Variants in BICC1 observed in about 807,000 individuals in gnomAD.
BICC1 encodes protein bicaudal C homolog 1.
BICC1 carries 43 observed loss-of-function variants against 111.0 expected under a neutral mutation model. The observed-to-expected ratio is 0.39, with a 90% CI of 0.30 to 0.50. The LOEUF (loss-of-function observed/expected upper bound fraction) is 0.50. Ranked by LOEUF, BICC1 falls within the 20% of genes least tolerant of loss-of-function variation. BICC1 has a pLI of 0.88. For synonymous variants in BICC1, 467 were observed against 434.4 expected (o/e 1.07, Z -0.93); for missense variants, 1,091 against 1,203.2 (o/e 0.91, Z 1.38).
rs139620689 is a variant in BICC1, at chr10:58,515,551, A to G, written c.190+2218A>G. On this transcript the variant is annotated intron_variant, in intron 1 of 20. Transcript: ENST00000373886. Reference sequence around the variant, plus strand: ...GGTAATGTGTTATGTTACTATGGCTATGACATCACTAGGCGATAGGAATTT... The same window carrying G: ...GGTAATGTGTTATGTTACTATGGCTGTGACATCACTAGGCGATAGGAATTT... Among the ~76,000 whole-genome samples the G allele has an allele frequency of 1.5e-3, 223 of 152,338 alleles. 1 individual carries two copies. The highest frequency in any genetic ancestry group is 2.0e-3 in the Non-Finnish European group (137 of 68,034).
intron 1 of BICC1, among the ~76,000 whole-genome samples, chr10:58,616,240 G>T (rs1257066840): frequency 6.6e-6 from 1 of 152,224 alleles, no homozygotes; most frequent in Non-Finnish European, 1.5e-5. Flanking sequence ...ATAAAGAAGG[G>T]GAAGATGCCC....
chr10:58,547,542 G>T (rs1843173315), intron 1 of BICC1, among the ~76,000 whole-genome samples: 1 of 152,128 alleles, frequency 6.6e-6, no homozygotes, highest in Non-Finnish European at 1.5e-5. Flanking sequence ...TGGTATTGAA[G>T]GCACTGCGTG....
chr10:58,552,402 C>T (rs1199434870), intron 1 of BICC1, among the ~76,000 whole-genome samples: 1 of 151,970 alleles, frequency 6.6e-6, no homozygotes, highest in Non-Finnish European at 1.5e-5. Flanking sequence ...GTGGTGTGAT[C>T]TTGGCTCACT....
intron 17 of BICC1, among the ~76,000 whole-genome samples, chr10:58,807,753 C>T (rs143933883): frequency 6.0e-4 from 92 of 152,274 alleles, no homozygotes; most frequent in African/African-American, 2.1e-3. Context: ...AGCCAGGCTA[C>T]ACGCGATTCA....
In BICC1 at chr10:58,820,462, A is replaced by G. The variant is rs1844221949; in HGVS notation, c.2788A>G (p.Ile930Val). ...FGARRKMLLA[I>V]SELNKNRRKL... Reference sequence around the variant, plus strand: ...TGCCAGGAGGAAAATGCTGCTTGCAATTTCAGGTGAATATAAATATTCAAC... The same window carrying G: ...TGCCAGGAGGAAAATGCTGCTTGCAGTTTCAGGTGAATATAAATATTCAAC... The change falls in exon 20 of 21, where the codon ATT (isoleucine) becomes GTT (valine). Residue 930 changes from isoleucine (I) to valine (V), a missense_variant. Ile to Val is a conservative substitution (Grantham distance 29). Coordinates refer to ENST00000373886, the MANE Select transcript of BICC1 (RefSeq NM_001080512.3). 3 of 1,598,180 alleles carry G rather than the reference A, an allele frequency of 1.9e-6. No homozygotes were observed. The African/African-American group carries it at 4.0e-5, about 21-fold the overall frequency.
At chr10:58,783,655 A>C (rs2132778811) in intron 3 of BICC1, among the ~76,000 whole-genome samples, 1 of 151,718 alleles carries the variant, frequency 6.6e-6, no homozygotes, top group Non-Finnish European at 1.5e-5. Flanking sequence ...ACATTTACTG[A>C]CTCTTTACTG....
At chr10:58,776,443 C>T (rs896587841) in intron 3 of BICC1, among the ~76,000 whole-genome samples, 8 of 152,204 alleles carry the variant, frequency 5.3e-5, no homozygotes, top group Admixed American at 1.3e-4. Flanking sequence ...GCAAATTAGT[C>T]ACTTCTGGCT....
At chr10:58,774,678 A>G (rs1842703375) in intron 3 of BICC1, among the ~76,000 whole-genome samples, 1 of 152,162 alleles carries the variant, frequency 6.6e-6, no homozygotes, top group Admixed American at 6.5e-5. Context: ...GATATTTCCA[A>G]ATGACTTTCC....
intron 8 of BICC1, among the ~76,000 whole-genome samples, chr10:58,790,576 C>T (rs545496956): frequency 5.9e-5 from 9 of 152,208 alleles, no homozygotes; most frequent in African/African-American, 2.2e-4. Flanking sequence ...GCCTGTAATC[C>T]CAGCACTTTG....
chr10:58,823,915 T>C (rs1300977414), intron 20 of BICC1: 2 of 985,216 alleles, frequency 2.0e-6, no homozygotes. Context: ...GATACATGTA[T>C]TCAGCTTTTA....
intron 18 of BICC1, among the ~76,000 whole-genome samples, chr10:58,816,751 G>C (rs1430252636): frequency 3.4e-5 from 1 of 29,342 alleles, no homozygotes; most frequent in African/African-American, 8.8e-5. Flanking sequence ...AAGGCTGTGT[G>C]TGTGTGTGTG....
intron 18 of BICC1, among the ~76,000 whole-genome samples, chr10:58,814,865 G>A (rs1387903505): frequency 6.6e-6 from 1 of 152,080 alleles, no homozygotes; most frequent in African/African-American, 2.4e-5. Flanking sequence ...AGACTGTCCA[G>A]CGGGTGGCTA....
rs1313043258 is a variant in BICC1, at chr10:58,528,060, G to A, written c.190+14727G>A. Among the ~76,000 whole-genome samples the A allele has an allele frequency of 2.6e-5, 4 of 151,950 alleles. No individual in the cohort carries two copies. In the South Asian group the frequency reaches 8.3e-4, roughly 31 times the overall value. On this transcript the variant is annotated intron_variant, in intron 1 of 20. Transcript: ENST00000373886. ...GTTCCTCTGTGGCATCTGGCCCAGAGCTGTGAAAATATCTGGACTGTGTTT... is the reference window on the plus strand; with the variant it reads ...GTTCCTCTGTGGCATCTGGCCCAGAACTGTGAAAATATCTGGACTGTGTTT...
intron 1 of BICC1, among the ~76,000 whole-genome samples, chr10:58,598,663 TAATTA>T (rs1844916928): frequency 1.3e-5 from 2 of 152,286 alleles, no homozygotes; most frequent in East Asian, 3.9e-4. Context: ...AAATGGGATC[TAATTA>T]AATTAAAGAG....
chr10:58,602,923 T>G (rs547008759), intron 1 of BICC1, among the ~76,000 whole-genome samples: 1 of 152,338 alleles, frequency 6.6e-6, no homozygotes, highest in South Asian at 2.1e-4. Flanking sequence ...AGACTTGGTC[T>G]TCTTGAGTAA....
chr10:58,698,436 A>C (rs1032652013), intron 2 of BICC1, among the ~76,000 whole-genome samples: 1 of 152,028 alleles, frequency 6.6e-6, no homozygotes, highest in African/African-American at 2.4e-5. Flanking sequence ...CAGTGAGCCA[A>C]CTTTTTCTCC....
At chr10:58,526,897 T>A (rs1298328330) in intron 1 of BICC1, among the ~76,000 whole-genome samples, 1 of 152,220 alleles carries the variant, frequency 6.6e-6, no homozygotes, top group Non-Finnish European at 1.5e-5. Context: ...TACATGTGCA[T>A]GTATCTTTAT....
rs761286794 is a variant in BICC1, at chr10:58,814,029, T to C, written c.2533+43T>C. On this transcript the variant is annotated intron_variant, in intron 18 of 20. Coordinates refer to ENST00000373886, the MANE Select transcript of BICC1 (RefSeq NM_001080512.3). ...TGCACACTTTTAGGTATCCCCAGAT[T>C]AGAATGTGTTTATTTGGGTTGGAGT... is the stretch of plus-strand genomic sequence containing the variant. The C allele has an allele frequency of 7.5e-6, 12 of 1,606,892 alleles. No individual in the cohort carries two copies. In the South Asian group the frequency reaches 1.3e-4, roughly 18 times the overall value.
chr10:58,789,666 C>T lies in BICC1; in HGVS notation c.796-16C>T. On this transcript the variant is annotated splice_polypyrimidine_tract_variant and intron_variant, in intron 7 of 20. Transcript: ENST00000373886. ...TTAATGTATAGGATTATTTCTTTCC[C>T]ACCCTTTTCTCTTAGGAAGGAACTG... 6.2e-7 allele frequency: 1 copy of T among 1,613,562 alleles called. No homozygotes were observed. Among genetic ancestry groups the T allele is most frequent in the Non-Finnish European group, 8.5e-7 (1 of 1,179,660 alleles).
Sources: allele counts gnomAD v4.1 joint callset (sites outside exome capture counted in the v4.1 genomes callset), GRCh38; gene constraint gnomAD v4.1.1; transcripts MANE v1.5; gene names NCBI Gene and HGNC (gene_info 2026-07-23, HGNC 2026-07-21).